The following HSP90AA1 variants were observed in gnomAD, a reference collection of about 807,000 sequenced individuals.
HSP90AA1 encodes the protein heat shock protein HSP 90-alpha.
In HSP90AA1, 18 loss-of-function variants were observed where a neutral mutation model predicts 73.3. The ratio of observed to expected loss-of-function variants is 0.25; its 90% confidence interval spans 0.17 to 0.36. The LOEUF (loss-of-function observed/expected upper bound fraction) is 0.36, where lower values mean the gene tolerates loss of function less well. Among genes scored for constraint, HSP90AA1 ranks in the 10% least tolerant of loss-of-function variants. The pLI is 1.00. For missense variants in HSP90AA1, 704 were observed against 874.2 expected, an observed-to-expected ratio of 0.81 and a Z score of 2.45; for synonymous variants, 477 against 296.9, an observed-to-expected ratio of 1.61 and a Z score of -6.24.
In HSP90AA1 at chr14:102,082,605, T is replaced by TA. The variant is rs2049124269; in HGVS notation, c.1756-162dup. 5 of 652,924 alleles carry TA rather than the reference T, an allele frequency of 7.7e-6. No homozygotes were observed. In the Admixed American group the frequency reaches 1.4e-4, roughly 18 times the overall value. The allele number at this position is 652,924 out of a possible 1,614,324, so 40.4% of individuals were successfully genotyped here. A position where few individuals can be genotyped will look rare whatever the true frequency, so the allele number is the denominator to read the frequency against. ...TTAGGTATCCAAAGAGCACAGGTTATAATTTCATGTTTTACATGCACAATT... is the reference window on the plus strand; with the variant it reads ...TTAGGTATCCAAAGAGCACAGGTTATAAATTTCATGTTTTACATGCACAATT... On this transcript the variant is annotated intron_variant, in intron 9 of 10. Coordinates refer to ENST00000216281, the MANE Select transcript of HSP90AA1 (RefSeq NM_005348.4).
chr14:102,108,235 C>A (rs973006299), intron 1 of HSP90AA1, among the ~76,000 whole-genome samples: 3 of 127,848 alleles, frequency 2.3e-5, no homozygotes, highest in African/African-American at 8.7e-5. Context: ...TGCACTACAG[C>A]GTAAGCAACA....
At chr14:102,139,623 T>C (rs375429292) in exon 1 of HSP90AA1, 8 of 643,772 alleles carry the variant, frequency 1.2e-5, no homozygotes, top group African/African-American at 3.7e-5. Flanking sequence ...AACGGTCAAC[T>C]AGACCCCACT....
intron 1 of HSP90AA1, among the ~76,000 whole-genome samples, chr14:102,112,270 T>C (rs568183266): frequency 2.0e-5 from 3 of 152,322 alleles, no homozygotes; most frequent in African/African-American, 7.2e-5. Context: ...CCTCCTGGGT[T>C]CAAGCAATTC....
intron 1 of HSP90AA1, among the ~76,000 whole-genome samples, chr14:102,104,789 A>C (rs2049541013): frequency 6.6e-6 from 1 of 151,048 alleles, no homozygotes. Context: ...TCTACTCTCT[A>C]CCTCTTTTTT....
intron 1 of HSP90AA1, among the ~76,000 whole-genome samples, chr14:102,112,889 G>A (rs547183771): frequency 4.6e-5 from 7 of 152,168 alleles, no homozygotes; most frequent in South Asian, 2.1e-4. Flanking sequence ...AATGCAGACC[G>A]TTCTTATTTC....
In HSP90AA1 at chr14:102,139,348, GT is replaced by G. The variant is rs780708249; in HGVS notation, c.56del (p.Asp19AlafsTer32). 1.9e-6 allele frequency: 3 copies of G among 1,611,798 alleles called. No individual in the cohort carries two copies. Among genetic ancestry groups the G allele is most frequent in the Non-Finnish European group, 2.5e-6 (3 of 1,179,378 alleles). On this transcript the variant is annotated frameshift_variant, in exon 1 of 12. Coordinates refer to the HSP90AA1 transcript ENST00000334701. LOFTEE classifies it high-confidence loss of function. ...CAGCACTCTGGGCGGGACAGTCCCT[GT>G]CCCGAAGGGAGGGCCCAGGAGGGGT...
chr14:102,110,862 T>C (rs540264841), intron 1 of HSP90AA1, among the ~76,000 whole-genome samples: 13 of 152,286 alleles, frequency 8.5e-5, no homozygotes, highest in African/African-American at 3.1e-4. Context: ...ATTACAGGCG[T>C]GAGCCACTGC....
At chr14:102,095,301 G>A (rs2049409625) in intron 2 of HSP90AA1, among the ~76,000 whole-genome samples, 1 of 152,152 alleles carries the variant, frequency 6.6e-6, no homozygotes, top group Non-Finnish European at 1.5e-5. Context: ...GTGCCTGTGA[G>A]AGGGTCCAGT....
At position 102,083,579 on chromosome 14, in the gene HSP90AA1, T is replaced by G. The variant is rs201678802; in HGVS notation, c.1453A>C (p.Lys485Gln). The change falls in exon 8 of 11, where the codon AAG (lysine) becomes CAG (glutamine). Residue 485 changes from lysine (K) to glutamine (Q), a missense_variant. Transcript: ENST00000216281. The part of the protein sequence containing the change: ...VSLKDYCTRM[K>Q]ENQKHIYYIT... The stretch of plus-strand genomic sequence containing the variant: ...TAATAGATATGTTTCTGGTTCTCCT[T>G]CATTCTGGTGCAGTAGTCCTTGAGA... 6.2e-7 allele frequency: 1 copy of G among 1,613,922 alleles called. No individual in the cohort carries two copies. Among genetic ancestry groups the G allele is most frequent in the Admixed American group, 1.7e-5 (1 of 60,016 alleles).
intron 1 of HSP90AA1, among the ~76,000 whole-genome samples, chr14:102,118,234 C>T (rs1056236871): frequency 6.6e-6 from 1 of 152,196 alleles, no homozygotes; most frequent in Admixed American, 6.5e-5. Context: ...ACAGAGGTTT[C>T]TAGCCAGAAA....
intron 7 of HSP90AA1, 42 bp downstream of exon 7, chr14:102,083,748 AAAC>A: frequency 6.3e-7 from 1 of 1,592,402 alleles, no homozygotes; most frequent in African/African-American, 1.4e-5. Context: ...AAAAAAAAAA[AAAC>A]TAAAGAGGCC....
In HSP90AA1 at chr14:102,082,300, G is replaced by A. The variant is rs774438296; in HGVS notation, c.1900C>T (p.Leu634=). The A allele has an allele frequency of 1.9e-6, 3 of 1,613,904 alleles. No individual in the cohort carries two copies. The highest frequency in any genetic ancestry group is 1.7e-6 in the Non-Finnish European group (2 of 1,179,832). ...ATGGAATGGTCAGGGTTTATCTCCA[G>A]GTGTTTCTTTGCTGCCATGTAACCC... The part of the protein sequence containing the change: ...TMGYMAAKKH[L]EINPDHSIIE... Residue 634 remains leucine (L), a synonymous_variant, in exon 10 of 11, where the codon CTG becomes TTG. Coordinates refer to ENST00000216281, the MANE Select transcript of HSP90AA1 (RefSeq NM_005348.4).
At chr14:102,082,895 A>C in intron 9 of HSP90AA1, 139 bp downstream of exon 9, 1 of 862,764 alleles carries the variant, frequency 1.2e-6, no homozygotes, top group Non-Finnish European at 2.0e-6. Flanking sequence ...CTGGGATTGC[A>C]GGCGTGAGCC....
In HSP90AA1 at chr14:102,081,611, G is replaced by A; in HGVS notation, c.*101C>T. The A allele has an allele frequency of 5.4e-6, 4 of 745,554 alleles. No individual in the cohort carries two copies. The highest frequency in any genetic ancestry group is 2.8e-5 in the South Asian group (2 of 70,372). The allele number at this position is 745,554 out of a possible 1,614,324, so 46.2% of individuals were successfully genotyped here. ...CTTAAAGTAGTTGTCATGCCATACA[G>A]ACTTTTTAATATTAACAAAAATAAA... On this transcript the variant is annotated 3_prime_UTR_variant, in exon 11 of 11. Transcript: ENST00000216281.
intron 1 of HSP90AA1, among the ~76,000 whole-genome samples, chr14:102,138,206 C>T (rs571062844): frequency 5.9e-5 from 4 of 68,018 alleles, no homozygotes; most frequent in East Asian, 7.3e-4. Flanking sequence ...AACTTTTGCT[C>T]GCTGGGTTTT....
In HSP90AA1 at chr14:102,081,738, T is replaced by G. The variant is rs771555804; in HGVS notation, c.2173A>C (p.Thr725Pro). ...EMPPLEGDDD[T>P]SRMEEVD ...TAGTCTACTTCTTCCATGCGTGATG[T>G]GTCGTCATCTCCTTCAAGGGGTGGC... is the stretch of plus-strand genomic sequence containing the variant. The change falls in exon 11 of 11, where the codon ACA (threonine) becomes CCA (proline). Residue 725 changes from threonine (T) to proline (P), a missense_variant. By Grantham distance (38) the Thr-to-Pro change is conservative (BLOSUM62 -1). Transcript: ENST00000216281. The G allele has an allele frequency of 6.4e-7, 1 of 1,565,722 alleles. No homozygotes were observed. Among genetic ancestry groups the G allele is most frequent in the Admixed American group, 1.7e-5 (1 of 59,956 alleles).
At chr14:102,093,622 T>C (rs925156503) in intron 2 of HSP90AA1, among the ~76,000 whole-genome samples, 1 of 152,184 alleles carries the variant, frequency 6.6e-6, no homozygotes. Context: ...GTGAGCAAGC[T>C]TCTCAGCCTC....
chr14:102,087,322 G>A (rs1330893320), upstream of HSP90AA1: 2 of 297,142 alleles, frequency 6.7e-6, no homozygotes, highest in Non-Finnish European at 9.9e-6. Context: ...GCGCGGCCCG[G>A]AATTCTCGGG....
intron 1 of HSP90AA1, among the ~76,000 whole-genome samples, chr14:102,132,966 A>T (rs2049926777): frequency 6.8e-6 from 1 of 147,526 alleles, no homozygotes; most frequent in South Asian, 2.2e-4. Flanking sequence ...TCTCAAAAAA[A>T]AAAATAAAAA....
Sources: allele counts gnomAD v4.1 joint callset (sites outside exome capture counted in the v4.1 genomes callset), GRCh38; gene constraint gnomAD v4.1.1; transcripts MANE v1.5; gene names NCBI Gene and HGNC (gene_info 2026-07-23, HGNC 2026-07-21).